Variants in ROBO1 observed in about 807,000 individuals in gnomAD.
ROBO1 encodes roundabout homolog 1.
Under a neutral mutation model 195.9 loss-of-function variants are expected in ROBO1, and 149 were observed. The observed-to-expected ratio is 0.76, with a 90% CI of 0.67 to 0.87. The LOEUF (loss-of-function observed/expected upper bound fraction) is 0.87, where lower values mean the gene tolerates loss of function less well. Among genes scored for constraint, ROBO1 ranks in the 40% least tolerant of loss-of-function variants. The probability of loss-of-function intolerance (pLI) is 0.00; values close to 1 mark genes in which losing one functional copy is unlikely to be tolerated. For missense variants in ROBO1, 1,933 were observed against 2,068.3 expected (o/e 0.93, Z 1.27); for synonymous variants, 816 against 733.2 (o/e 1.11, Z -1.82).
chr3:78,619,960 G>C (rs1483397511), intron 26 of ROBO1, among the ~76,000 whole-genome samples: 1 of 150,490 alleles, frequency 6.6e-6, no homozygotes, highest in Non-Finnish European at 1.5e-5. Flanking sequence ...AGGGGTTGCA[G>C]TGAGCCAAGA....
At chr3:79,316,642 T>C (rs2033749403) in intron 2 of ROBO1, among the ~76,000 whole-genome samples, 1 of 152,080 alleles carries the variant, frequency 6.6e-6, no homozygotes, top group Admixed American at 6.5e-5. Context: ...TGAGAACTTA[T>C]TAAGAAGTTG....
At chr3:78,648,580 G>A (rs1031353623) in intron 19 of ROBO1, among the ~76,000 whole-genome samples, 1 of 151,650 alleles carries the variant, frequency 6.6e-6, no homozygotes, top group Non-Finnish European at 1.5e-5. Flanking sequence ...TTCCTGGGGG[G>A]TTGGATAACG....
At chr3:79,220,508 A>T (rs1290710227) in intron 2 of ROBO1, among the ~76,000 whole-genome samples, 1 of 151,990 alleles carries the variant, frequency 6.6e-6, no homozygotes, top group Non-Finnish European at 1.5e-5. Flanking sequence ...TATCGCCTGA[A>T]TTTCCTCATA....
chr3:79,464,146 A>T (rs1305035225), intron 2 of ROBO1, among the ~76,000 whole-genome samples: 3 of 152,240 alleles, frequency 2.0e-5, no homozygotes, highest in Non-Finnish European at 1.5e-5. Flanking sequence ...AATACAGTAT[A>T]CATATATATT....
chr3:79,356,971 G>A lies in ROBO1; in HGVS notation c.89-231432C>T, dbSNP rs139799014. Among the ~76,000 whole-genome samples the A allele has an allele frequency of 2.6e-3, 400 of 152,176 alleles. 1 individual carries two copies. The highest frequency in any genetic ancestry group is 9.2e-3 in the African/African-American group (382 of 41,544). ...TGGGAACTTAAATTCCAGTCAAAGG[G>A]AACTGATTTCTTTTGTTGTATATTG... On this transcript the variant is annotated intron_variant, in intron 2 of 30. Transcript: ENST00000464233.
At chr3:78,982,715 A>AC (rs1280548243) in intron 3 of ROBO1, among the ~76,000 whole-genome samples, 4 of 150,636 alleles carry the variant, frequency 2.7e-5, no homozygotes, top group African/African-American at 9.8e-5. Context: ...TGAAACATCC[A>AC]CCCCCCAGGT....
At chr3:79,680,760 G>T (rs1185932459) in intron 1 of ROBO1, among the ~76,000 whole-genome samples, 1 of 151,996 alleles carries the variant, frequency 6.6e-6, no homozygotes, top group African/African-American at 2.4e-5. Flanking sequence ...ACATAGCATA[G>T]AAAACAACCT....
chr3:79,709,897 C>T lies in ROBO1; in HGVS notation c.-51+57855G>A, dbSNP rs114194286. 9.4e-3 allele frequency among the ~76,000 whole-genome samples: 1,427 copies of T among 152,246 alleles called. 13 individuals carry two copies. Among genetic ancestry groups the T allele is most frequent in the Middle Eastern group, 0.034 (10 of 294 alleles). On this transcript the variant is annotated intron_variant, in intron 1 of 30. Transcript: ENST00000464233. Reference sequence around the variant, plus strand: ...GATACAGCAAGAATGCATTTTTATACCAAACCAGGAAGTCTGCCCTCACCA... The same window carrying T: ...GATACAGCAAGAATGCATTTTTATATCAAACCAGGAAGTCTGCCCTCACCA...
chr3:79,013,991 A>T (rs2077855372), intron 3 of ROBO1, among the ~76,000 whole-genome samples: 1 of 152,200 alleles, frequency 6.6e-6, no homozygotes, highest in Admixed American at 6.5e-5. Flanking sequence ...TTCTATATAC[A>T]TTGAGGCAGT....
At chr3:79,220,901 T>A (rs768725328) in intron 2 of ROBO1, among the ~76,000 whole-genome samples, 33 of 152,056 alleles carry the variant, frequency 2.2e-4, no homozygotes, top group Non-Finnish European at 2.5e-4. Flanking sequence ...GGGGCATGGC[T>A]GTACACTGTA....
At chr3:79,558,832 A>C (rs1215975682) in intron 2 of ROBO1, among the ~76,000 whole-genome samples, 1 of 152,206 alleles carries the variant, frequency 6.6e-6, no homozygotes, top group African/African-American at 2.4e-5. Flanking sequence ...ATAGCTGCAT[A>C]ATATATCTTT....
chr3:79,025,027 C>A (rs1161299799), intron 3 of ROBO1, among the ~76,000 whole-genome samples: 1 of 152,164 alleles, frequency 6.6e-6, no homozygotes, highest in African/African-American at 2.4e-5. Context: ...TTCCAGAAGT[C>A]TTCAAGGCCT....
intron 4 of ROBO1, among the ~76,000 whole-genome samples, chr3:78,753,763 T>G (rs1351272264): frequency 6.6e-6 from 1 of 152,108 alleles, no homozygotes. Context: ...GAATCAACAT[T>G]TAAATAGTTA....
At chr3:79,755,064 GA>G (rs987707059) in intron 1 of ROBO1, among the ~76,000 whole-genome samples, 7 of 151,898 alleles carry the variant, frequency 4.6e-5, no homozygotes, top group Admixed American at 6.6e-5. Flanking sequence ...ATTTTTAGTA[GA>G]AACGGGGTTT....
intron 5 of ROBO1, among the ~76,000 whole-genome samples, chr3:78,733,853 CT>C (rs1404572970): frequency 6.6e-6 from 1 of 152,124 alleles, no homozygotes; most frequent in Non-Finnish European, 1.5e-5. Context: ...ACTCTAGCTG[CT>C]TGTGTAAGCA....
rs955065391 is a variant in ROBO1 at position 79,238,156 on chromosome 3, T to G, written c.89-112617A>C. ...AACTATGAAGCCATGTAAAAATACA[T>G]TTATTTAGTACATTTTCAATTCCTT... On this transcript the variant is annotated intron_variant, in intron 2 of 30. Transcript: ENST00000464233. Among the ~76,000 whole-genome samples, 6 of 152,214 alleles carry G rather than the reference T, an allele frequency of 3.9e-5. No individual in the cohort carries two copies. The South Asian group carries it at 1.0e-3, about 26-fold the overall frequency.
At chr3:79,293,105 G>A (rs1169686575) in intron 2 of ROBO1, among the ~76,000 whole-genome samples, 4 of 152,084 alleles carry the variant, frequency 2.6e-5, no homozygotes. Flanking sequence ...TTAGTCTTGG[G>A]AGGGTGTATG....
rs1049250485 is a variant in ROBO1 at position 79,530,976 on chromosome 3, G to C, written c.88+58848C>G. On this transcript the variant is annotated intron_variant, in intron 2 of 30. Coordinates refer to ENST00000464233, the MANE Select transcript of ROBO1 (RefSeq NM_002941.4). ...TTCTTCCTCCAGCTAAGTATTTTCTGTGTGTGTTTCTTCCTTTGCCTGGAC... is the reference window on the plus strand; with the variant it reads ...TTCTTCCTCCAGCTAAGTATTTTCTCTGTGTGTTTCTTCCTTTGCCTGGAC... Among the ~76,000 whole-genome samples, 7 of 152,162 alleles carry C rather than the reference G, an allele frequency of 4.6e-5. No homozygotes were observed. The East Asian group carries it at 1.4e-3, about 29-fold the overall frequency.
At chr3:79,148,802 T>C (rs2080707011) in intron 2 of ROBO1, among the ~76,000 whole-genome samples, 1 of 151,960 alleles carries the variant, frequency 6.6e-6, no homozygotes. Flanking sequence ...ATTCCTAATA[T>C]ATTGTCTAAT....
Sources: gnomAD v4.1 joint callset for allele counts (sites outside exome capture counted in the v4.1 genomes callset) on GRCh38, gnomAD v4.1.1 for gene constraint, MANE v1.5 for transcripts, NCBI Gene and HGNC (gene_info 2026-07-23, HGNC 2026-07-21) for gene names.